Variants in ZNF569 observed in about 807,000 individuals in gnomAD.
ZNF569 encodes the protein DNA-binding protein.
ZNF569 carries 38 observed loss-of-function variants against 56.3 expected under a neutral mutation model. The observed-to-expected ratio is 0.68, with a 90% CI of 0.52 to 0.88. The LOEUF is 0.88. Among genes scored for constraint, ZNF569 ranks in the 40% least tolerant of loss-of-function variants. The pLI, the probability that ZNF569 is intolerant of heterozygous loss-of-function variation, is 0.00. For missense variants in ZNF569, 666 were observed against 809.2 expected (o/e 0.82, Z 2.15); for synonymous variants, 241 against 262.9 (o/e 0.92, Z 0.81).
rs766083864 is a variant in ZNF569 at position 37,412,842 on chromosome 19, AG to A, written c.1815del (p.Tyr606MetfsTer48). ...VHMRGHTGEK[P>X]YECNKCGKAF... ...GCTTTTCCACATTTATTACATTCAT[AG>A]GGTTTTTCACCTGTATGGCCTCTCA... On this transcript the variant is annotated frameshift_variant, in exon 6 of 6. Coordinates refer to ENST00000316950, the MANE Select transcript of ZNF569 (RefSeq NM_152484.3). LOFTEE classifies it high-confidence loss of function. 2.5e-6 allele frequency: 4 copies of A among 1,614,040 alleles called. No homozygotes were observed. In the South Asian group the frequency reaches 4.4e-5, roughly 18 times the overall value.
upstream of ZNF569, chr19:37,468,134 G>T: frequency 3.3e-6 from 2 of 610,674 alleles, no homozygotes; most frequent in South Asian, 2.0e-5. Context: ...GCCCAGGCTG[G>T]AGAGTGCAGC....
intron 3 of ZNF569, among the ~76,000 whole-genome samples, chr19:37,432,078 A>G (rs1047576477): frequency 2.6e-5 from 4 of 152,138 alleles, no homozygotes; most frequent in African/African-American, 9.7e-5. Context: ...GCATCTCTGG[A>G]CCTGCCCGTG....
intron 5 of ZNF569, among the ~76,000 whole-genome samples, chr19:37,420,938 G>T (rs1159396621): frequency 2.6e-5 from 4 of 152,178 alleles, no homozygotes; most frequent in Non-Finnish European, 4.4e-5. Context: ...CTGCAGAATG[G>T]ATGTTGTATT....
chr19:37,467,602 C>A (rs2041869820), upstream of ZNF569: 1 of 515,636 alleles, frequency 1.9e-6, no homozygotes, highest in Non-Finnish European at 3.4e-6. Flanking sequence ...TGGGTCTCTA[C>A]CTGAGGCTAG....
chr19:37,429,769 C>G lies in ZNF569; in HGVS notation c.16-3391G>C, dbSNP rs924705417. Among the ~76,000 whole-genome samples the G allele has an allele frequency of 9.2e-5, 14 of 152,336 alleles. 1 individual carries two copies. Among genetic ancestry groups the G allele is most frequent in the Admixed American group, 7.8e-4 (12 of 15,300 alleles). ...GGGAAAGCTTTGGTCAGCAACTCCCCTTTGGCCTGGCTGAGACTTTCTCAC... is the reference window on the plus strand; with the variant it reads ...GGGAAAGCTTTGGTCAGCAACTCCCGTTTGGCCTGGCTGAGACTTTCTCAC... On this transcript the variant is annotated intron_variant, in intron 3 of 5. Transcript: ENST00000316950.
rs376490872 is a variant in ZNF569 at position 37,413,465 on chromosome 19, G to A, written c.1193C>T (p.Thr398Ile). Reference protein sequence around the residue: ...GKAFSQSSALTVHMRSHTGEK... With the variant: ...GKAFSQSSALIVHMRSHTGEK... ...ACCAGTGTGACTTCTCATATGTACA[G>A]TAAGGGCTGAGCTTTGAGAGAAGGC... The change falls in exon 6 of 6, where the codon ACT becomes ATT. Residue 398 changes from threonine to isoleucine, a missense_variant. Thr to Ile is a moderately conservative substitution (Grantham distance 89). Coordinates refer to ENST00000316950, the MANE Select transcript of ZNF569 (RefSeq NM_152484.3). The A allele has an allele frequency of 6.2e-7, 1 of 1,613,552 alleles. No individual in the cohort carries two copies. The highest frequency in any genetic ancestry group is 8.5e-7 in the Non-Finnish European group (1 of 1,179,864).
chr19:37,412,393 G>T lies in ZNF569; in HGVS notation c.*204C>A, dbSNP rs1479903967. 3.7e-6 allele frequency: 3 copies of T among 815,210 alleles called. No individual in the cohort carries two copies. The highest frequency in any genetic ancestry group is 3.4e-6 in the Non-Finnish European group (2 of 589,808). The allele number at this position is 815,210 out of a possible 1,614,324, so 50.5% of individuals were successfully genotyped here. On this transcript the variant is annotated 3_prime_UTR_variant, in exon 6 of 6. Coordinates refer to ENST00000316950, the MANE Select transcript of ZNF569 (RefSeq NM_152484.3). Reference sequence around the variant, plus strand: ...GCTGATTAAATATTATCAATAAGATGTCTGCTGAAAGTTTCTGGTAACAGC... The same window carrying T: ...GCTGATTAAATATTATCAATAAGATTTCTGCTGAAAGTTTCTGGTAACAGC...
intron 3 of ZNF569, among the ~76,000 whole-genome samples, chr19:37,441,426 G>C (rs555228732): frequency 6.6e-6 from 1 of 152,302 alleles, no homozygotes; most frequent in Admixed American, 6.5e-5. Context: ...GAGGCCGAGA[G>C]GCAGGAGGAT....
At chr19:37,430,446 TATAAA>T (rs148629176) in intron 3 of ZNF569, among the ~76,000 whole-genome samples, 2,600 of 151,998 alleles carry the variant, frequency 0.017, 69 homozygotes, top group African/African-American at 0.059. Flanking sequence ...TGAAAATAAA[TATAAA>T]GAGAAAATCT....
At chr19:37,460,888 G>A (rs1209300971) in intron 2 of ZNF569, among the ~76,000 whole-genome samples, 1 of 151,886 alleles carries the variant, frequency 6.6e-6, no homozygotes, top group Admixed American at 6.6e-5. Flanking sequence ...ATAGTCAAAG[G>A]TTGCACCCAA....
Position 37,412,976 on chromosome 19 carries a change from T to C in ZNF569, c.1682A>G (p.Gln561Arg). 1 of 1,613,814 alleles carries C rather than the reference T, an allele frequency of 6.2e-7. No individual in the cohort carries two copies. Among genetic ancestry groups the C allele is most frequent in the South Asian group, 1.1e-5 (1 of 91,060 alleles). ...CATATGTAAATTAAGCAGTGAGCAC[T>C]GAGAGAAGGCTTTACCACATTTATC... ...ECDKCGKAFS[Q>R]CSLLNLHMRS... Residue 561 changes from glutamine (Q) to arginine (R), a missense_variant, in exon 6 of 6, where the codon CAG becomes CGG. Physicochemically the swap from Gln to Arg is conservative, Grantham distance 43 (BLOSUM62 1). Coordinates refer to ENST00000316950, the MANE Select transcript of ZNF569 (RefSeq NM_152484.3).
intron 2 of ZNF569, among the ~76,000 whole-genome samples, chr19:37,446,393 CA>C (rs915714370): frequency 1.9e-4 from 29 of 151,504 alleles, no homozygotes; most frequent in Non-Finnish European, 3.8e-4. Context: ...ACTAAAAATA[CA>C]AAAAAATTAT....
At chr19:37,447,266 C>CCTT (rs1465553247) in intron 2 of ZNF569, among the ~76,000 whole-genome samples, 4 of 152,254 alleles carry the variant, frequency 2.6e-5, no homozygotes, top group African/African-American at 9.6e-5. Flanking sequence ...GAAAAGAAGT[C>CCTT]ATTACAGGAA....
At chr19:37,437,563 C>T (rs1229592876) in intron 3 of ZNF569, among the ~76,000 whole-genome samples, 1 of 152,120 alleles carries the variant, frequency 6.6e-6, no homozygotes, top group African/African-American at 2.4e-5. Context: ...GTGATATGAT[C>T]TTCTGTTTGA....
intron 3 of ZNF569, among the ~76,000 whole-genome samples, chr19:37,439,698 C>A (rs1277093263): frequency 6.6e-6 from 1 of 152,158 alleles, no homozygotes; most frequent in East Asian, 1.9e-4. Context: ...AAATGTGATA[C>A]ATACACACCT....
At position 37,466,552 on chromosome 19, in the gene ZNF569, A is replaced by G. The variant is rs116017141; in HGVS notation, c.-205+532T>C. On this transcript the variant is annotated intron_variant, in intron 1 of 5. Transcript: ENST00000316950. ...TGAGGGAGGAGAATTGCTTCTTCCC[A>G]GGAGGCGGAGGTTGCGGTGAGCCAA... Among the ~76,000 whole-genome samples the G allele has an allele frequency of 7.1e-3, 1,081 of 152,182 alleles. 15 individuals are homozygous for G. The highest frequency in any genetic ancestry group is 0.024 in the African/African-American group (1,006 of 41,532).
chr19:37,418,667 A>G (rs759864093), intron 5 of ZNF569, among the ~76,000 whole-genome samples: 1 of 152,176 alleles, frequency 6.6e-6, no homozygotes, highest in Non-Finnish European at 1.5e-5. Context: ...CAGGGGCCCT[A>G]AAAAATAACA....
At chr19:37,428,524 T>TG (rs1294780808) in intron 3 of ZNF569, among the ~76,000 whole-genome samples, 1 of 87,972 alleles carries the variant, frequency 1.1e-5, no homozygotes, top group Non-Finnish European at 2.3e-5. Context: ...CCCTGTCTCT[T>TG]AAAAAAAAAA....
At chr19:37,437,568 G>A (rs895744912) in intron 3 of ZNF569, among the ~76,000 whole-genome samples, 3 of 152,104 alleles carry the variant, frequency 2.0e-5, no homozygotes, top group Non-Finnish European at 4.4e-5. Context: ...ATGATCTTCT[G>A]TTTGAAAAAA....
Sources: gnomAD v4.1 joint callset for allele counts (sites outside exome capture counted in the v4.1 genomes callset) on GRCh38, gnomAD v4.1.1 for gene constraint, MANE v1.5 for transcripts, NCBI Gene and HGNC (gene_info 2026-07-23, HGNC 2026-07-21) for gene names.